PRKAR1A: variants seen among roughly 807,000 people sequenced by gnomAD.
PRKAR1A encodes the protein cAMP-dependent protein kinase type I-alpha regulatory subunit.
PRKAR1A carries 3 observed loss-of-function variants against 52.0 expected under a neutral mutation model. That is an observed-to-expected ratio of 0.06 (90% CI 0.03 to 0.15). PRKAR1A has a LOEUF of 0.15. Among genes scored for constraint, PRKAR1A ranks in the 10% least tolerant of loss-of-function variants. The pLI, the probability that PRKAR1A is intolerant of heterozygous loss-of-function variation, is 1.00. For missense variants in PRKAR1A, 240 were observed against 477.4 expected (o/e 0.50, Z 4.63); for synonymous variants, 188 against 168.4 (o/e 1.12, Z -0.90).
chr17:68,451,210 C>T, the PRKAR1A span, among the ~76,000 whole-genome samples: 1 of 152,224 alleles, frequency 6.6e-6, no homozygotes, highest in African/African-American at 2.4e-5. Flanking sequence ...GCAGGAGAAT[C>T]ACTTGAGGCC....
chr17:68,489,186 G>GTA, the PRKAR1A span, among the ~76,000 whole-genome samples: 237 of 11,058 alleles, frequency 0.021, 16 homozygotes, highest in Middle Eastern at 0.12. Flanking sequence ...ATCTTGGAAA[G>GTA]TATATATATA....
chr17:68,549,705 C>T (rs1019470176), intron 11 of PRKAR1A, among the ~76,000 whole-genome samples: 5 of 152,064 alleles, frequency 3.3e-5, no homozygotes, highest in East Asian at 1.9e-4. Context: ...TATATGTGCT[C>T]GACTAACTGT....
At chr17:68,488,131 T>C in the PRKAR1A span, among the ~76,000 whole-genome samples, 1 of 151,880 alleles carries the variant, frequency 6.6e-6, no homozygotes, top group African/African-American at 2.4e-5. Context: ...CCCAAGGAAG[T>C]GGGGCAGTGA....
intron 11 of PRKAR1A, among the ~76,000 whole-genome samples, chr17:68,548,826 G>A (rs1480149700): frequency 5.0e-5 from 7 of 139,928 alleles, no homozygotes; most frequent in Non-Finnish European, 7.6e-5. Flanking sequence ...TCCGCCTCCC[G>A]GGTTCACGCC....
chr17:68,533,077 G>T lies in PRKAR1A; in HGVS notation c.*2628G>T. On this transcript the variant is annotated 3_prime_UTR_variant, in exon 11 of 11. Transcript: ENST00000589228. The stretch of plus-strand genomic sequence containing the variant: ...GTTCTGTGGCCTTGGAACTTTCCCA[G>T]ACTTAATGGGGAAACATCATTTCTA... The T allele has an allele frequency of 9.4e-7, 1 of 1,065,586 alleles. No homozygotes were observed. The highest frequency in any genetic ancestry group is 1.1e-6 in the Non-Finnish European group (1 of 879,514). 66.0% of individuals were successfully genotyped at this position (1,065,586 alleles called of 1,614,324 possible).
At chr17:68,431,447 G>A in the PRKAR1A span, among the ~76,000 whole-genome samples, 3 of 152,222 alleles carry the variant, frequency 2.0e-5, no homozygotes, top group Admixed American at 6.5e-5. Flanking sequence ...GGTTCTGGGG[G>A]TGGTGGCTGC....
At chr17:68,420,662 G>A in the PRKAR1A span, 1 of 647,762 alleles carries the variant, frequency 1.5e-6, no homozygotes, top group Non-Finnish European at 2.6e-6. Flanking sequence ...GCTGGCTCTG[G>A]GCAGGGAGTG....
At chr17:68,420,127 G>A in the PRKAR1A span, 58 of 1,572,408 alleles carry the variant, frequency 3.7e-5, no homozygotes, top group Admixed American at 7.2e-5. Context: ...CGCAGCTCTC[G>A]TCTTTACAAC....
At chr17:68,416,413 G>C in the PRKAR1A span, among the ~76,000 whole-genome samples, 1 of 152,072 alleles carries the variant, frequency 6.6e-6, no homozygotes, top group East Asian at 1.9e-4. Context: ...AGGATACCTG[G>C]TATTTTTGTC....
the PRKAR1A span, chr17:68,433,362 C>A: frequency 2.8e-6 from 3 of 1,080,502 alleles, no homozygotes; most frequent in Non-Finnish European, 4.2e-6. Context: ...CCAAGTGAAG[C>A]CAAGATTGGG....
chr17:68,486,683 C>T, the PRKAR1A span, among the ~76,000 whole-genome samples: 21 of 151,004 alleles, frequency 1.4e-4, no homozygotes, highest in African/African-American at 5.1e-4. Flanking sequence ...AAATTATGCT[C>T]ATTGTAGAAA....
the PRKAR1A span, among the ~76,000 whole-genome samples, chr17:68,478,309 G>A: frequency 6.6e-6 from 1 of 152,032 alleles, no homozygotes; most frequent in Non-Finnish European, 1.5e-5. Context: ...AAAATTAGCT[G>A]GGCATGGTGG....
chr17:68,540,526 T>G (rs777568647), intron 11 of PRKAR1A: 1 of 490,478 alleles, frequency 2.0e-6, no homozygotes, highest in Non-Finnish European at 4.0e-6. Context: ...TACATATTTG[T>G]GTACTTTCTT....
the PRKAR1A span, among the ~76,000 whole-genome samples, chr17:68,441,727 G>A: frequency 6.6e-6 from 1 of 152,174 alleles, no homozygotes; most frequent in African/African-American, 2.4e-5. Context: ...CACAACCTCA[G>A]GTAACGCTCT....
At chr17:68,489,334 G>A in the PRKAR1A span, among the ~76,000 whole-genome samples, 14 of 33,860 alleles carry the variant, frequency 4.1e-4, no homozygotes, top group South Asian at 1.5e-3. Context: ...ATATATATAT[G>A]GAAAGTATAT....
downstream of PRKAR1A, among the ~76,000 whole-genome samples, chr17:68,537,903 T>C (rs2143443634): frequency 6.6e-6 from 1 of 152,248 alleles, no homozygotes; most frequent in East Asian, 1.9e-4. The surrounding 1 kb of genome is among the most constrained non-coding windows in gnomAD (Gnocchi z 4.2). Flanking sequence ...AGGGAACAAA[T>C]GAAAGGCAAA....
chr17:68,530,036 T>G, intron 10 of PRKAR1A, 35 bp downstream of exon 10: 1 of 1,595,922 alleles, frequency 6.3e-7, no homozygotes, highest in Non-Finnish European at 8.6e-7. Context: ...AATACATGGT[T>G]TCTTTAAGTC....
At chr17:68,545,332 G>A (rs2086498590) in intron 11 of PRKAR1A, among the ~76,000 whole-genome samples, 1 of 152,166 alleles carries the variant, frequency 6.6e-6, no homozygotes, top group Non-Finnish European at 1.5e-5. Flanking sequence ...GATATTGCAG[G>A]TTTGCTTCTA....
the PRKAR1A span, among the ~76,000 whole-genome samples, chr17:68,490,526 C>T: frequency 6.6e-6 from 1 of 152,160 alleles, no homozygotes; most frequent in South Asian, 2.1e-4. Context: ...GTGTTGGGTT[C>T]CATGGCTGAG....
Sources: gnomAD v4.1 joint callset for allele counts (sites outside exome capture counted in the v4.1 genomes callset) on GRCh38, gnomAD v4.1.1 for gene constraint, Gnocchi (gnomAD v3.1) non-coding constraint, MANE v1.5 for transcripts, NCBI Gene and HGNC (gene_info 2026-07-23, HGNC 2026-07-21) for gene names.